The following OIP5 variants were observed in gnomAD, a reference collection of about 807,000 sequenced individuals.
OIP5 encodes the protein protein Mis18-beta.
OIP5 carries 24 observed loss-of-function variants against 20.3 expected under a neutral mutation model. The ratio of observed to expected loss-of-function variants is 1.18; its 90% CI spans 0.86 to 1.66. OIP5 has a LOEUF of 1.66. Ranked by LOEUF, OIP5 falls within the 40% of genes most tolerant of loss-of-function variation. The probability of loss-of-function intolerance (pLI) is 0.00; values close to 1 mark genes in which losing one functional copy is unlikely to be tolerated. For synonymous variants in OIP5, 143 were observed against 121.3 expected (o/e 1.18, Z -1.17); for missense variants, 339 against 289.5 (o/e 1.17, Z -1.24).
At chr15:41,328,971 TAGG>T (rs1272225775) in intron 2 of OIP5, among the ~76,000 whole-genome samples, 5 of 139,058 alleles carry the variant, frequency 3.6e-5, no homozygotes, top group East Asian at 2.1e-4. Flanking sequence ...GAGGCTGAGG[TAGG>T]AGAATAGCTT....
rs374289568 is a variant in OIP5, at chr15:41,309,815, A to C, written c.629T>G (p.Leu210Ter). ...ACTCAGAATCTTCATTAGTGATTTT[A>C]AGCGATTGTGCGTTAGCACTATCTT... ...KEKIVLTHNR[L>*]KSLMKILSEV... The change falls in exon 5 of 5, where the codon TTA becomes TGA. Residue 210 changes from leucine to a stop codon, truncating the protein, a stop_gained. Transcript: ENST00000220514. LOFTEE classifies it high-confidence loss of function. 4.3e-6 allele frequency: 7 copies of C among 1,613,772 alleles called. No homozygotes were observed. The highest frequency in any genetic ancestry group is 5.9e-6 in the Non-Finnish European group (7 of 1,179,802).
At chr15:41,332,207 C>G in intron 1 of OIP5, 33 bp downstream of exon 1, 3 of 1,525,582 alleles carry the variant, frequency 2.0e-6, no homozygotes, top group South Asian at 2.6e-5. Context: ...TCGGGCTAGC[C>G]TCTGCCTTTC....
intron 3 of OIP5, among the ~76,000 whole-genome samples, chr15:41,317,784 T>G (rs759451735): frequency 6.6e-6 from 1 of 152,132 alleles, no homozygotes; most frequent in Non-Finnish European, 1.5e-5. Flanking sequence ...GCTGTAGCTA[T>G]CCTCCCACCT....
intron 2 of OIP5, among the ~76,000 whole-genome samples, chr15:41,323,984 GCT>G (rs1491357872): frequency 1.8e-5 from 2 of 112,606 alleles, no homozygotes; most frequent in Non-Finnish European, 3.8e-5. Flanking sequence ...ACCAACCTCT[GCT>G]TTTTTTTTTT....
At chr15:41,319,231 C>T (rs2047807097) in intron 3 of OIP5, among the ~76,000 whole-genome samples, 1 of 151,590 alleles carries the variant, frequency 6.6e-6, no homozygotes, top group African/African-American at 2.4e-5. Flanking sequence ...CACTAGCATG[C>T]CCAGCTACTT....
In OIP5 at chr15:41,332,342, T is replaced by A. The variant is rs1334999521; in HGVS notation, c.220A>T (p.Arg74Trp). 3 of 1,612,278 alleles carry A rather than the reference T, an allele frequency of 1.9e-6. No homozygotes were observed. In the South Asian group the frequency reaches 3.3e-5, roughly 18 times the overall value. Residue 74 changes from arginine to tryptophan, a missense_variant, in exon 1 of 5, where the codon AGG becomes TGG. By Grantham distance (101) the Arg-to-Trp change is moderately radical. Coordinates refer to ENST00000220514, the MANE Select transcript of OIP5 (RefSeq NM_007280.2). ...TGTGCGCACTGGAACACAGCGCACC[T>A]CTCAGGCTGCAGCCAAGACGGCAGC... is the stretch of plus-strand genomic sequence containing the variant. The part of the protein sequence containing the change: ...PQLPSWLQPE[R>W]CAVFQCAQCH...
chr15:41,316,813 CAT>C (rs1189754561), intron 3 of OIP5, among the ~76,000 whole-genome samples: 1 of 131,152 alleles, frequency 7.6e-6, no homozygotes, highest in Non-Finnish European at 1.6e-5. Flanking sequence ...AAAAAAAAGA[CAT>C]GAGAAAAAGG....
intron 4 of OIP5, among the ~76,000 whole-genome samples, chr15:41,312,488 C>T (rs1441964372): frequency 1.3e-5 from 2 of 151,460 alleles, no homozygotes; most frequent in Non-Finnish European, 2.9e-5. Flanking sequence ...GAGACGCAGT[C>T]TCGCTCTGTT....
At chr15:41,328,883 C>A (rs1337409910) in intron 2 of OIP5, among the ~76,000 whole-genome samples, 1 of 151,750 alleles carries the variant, frequency 6.6e-6, no homozygotes, top group Non-Finnish European at 1.5e-5. Flanking sequence ...CATGGTGAAA[C>A]CCCGTCTCTA....
intron 1 of OIP5, 115 bp downstream of exon 1, chr15:41,332,125 T>C: frequency 7.3e-7 from 1 of 1,366,804 alleles, no homozygotes; most frequent in Non-Finnish European, 1.0e-6. Context: ...AGTTATTTGC[T>C]TCCAACTTTT....
chr15:41,330,561 G>T (rs1041920112), intron 2 of OIP5, among the ~76,000 whole-genome samples: 1 of 151,896 alleles, frequency 6.6e-6, no homozygotes, highest in Non-Finnish European at 1.5e-5. Flanking sequence ...CCGCCACTAT[G>T]CCTGGCTAAT....
At chr15:41,325,921 GA>G (rs2047859420) in intron 2 of OIP5, among the ~76,000 whole-genome samples, 1 of 152,052 alleles carries the variant, frequency 6.6e-6, no homozygotes, top group Non-Finnish European at 1.5e-5. Context: ...CAGCACTCTG[GA>G]AGGCCAAGGT....
At chr15:41,313,222 T>C in intron 4 of OIP5, 51 bp downstream of exon 4, 2 of 1,103,750 alleles carry the variant, frequency 1.8e-6, no homozygotes, top group Non-Finnish European at 2.7e-6. Flanking sequence ...GTAGAAGTTA[T>C]CAAGAGTTGT....
chr15:41,329,534 C>T (rs1346597826), intron 2 of OIP5, among the ~76,000 whole-genome samples: 1 of 151,596 alleles, frequency 6.6e-6, no homozygotes, highest in East Asian at 1.9e-4. Context: ...CAGGCTGGTC[C>T]CGAACTCCCG....
chr15:41,320,045 C>T (rs531955985), intron 2 of OIP5, among the ~76,000 whole-genome samples: 41 of 152,154 alleles, frequency 2.7e-4, no homozygotes, highest in Admixed American at 1.8e-3. Context: ...AGGTAATTTA[C>T]CCCTAATAAA....
chr15:41,326,043 T>C (rs1278565385), intron 2 of OIP5, among the ~76,000 whole-genome samples: 1 of 152,054 alleles, frequency 6.6e-6, no homozygotes, highest in Non-Finnish European at 1.5e-5. Context: ...ACACCTGTCA[T>C]CCCAGCTACT....
intron 3 of OIP5, among the ~76,000 whole-genome samples, chr15:41,315,777 T>A (rs917931111): frequency 6.6e-6 from 1 of 152,216 alleles, no homozygotes; most frequent in African/African-American, 2.4e-5. Flanking sequence ...CTAAAAAAGA[T>A]GTGGGATTAC....
At position 41,312,165 on chromosome 15, in the gene OIP5, T is replaced by C. The variant is rs974294012; in HGVS notation, c.594+1108A>G. 4.4e-4 allele frequency among the ~76,000 whole-genome samples: 43 copies of C among 97,036 alleles called. 1 individual carries two copies. The highest frequency in any genetic ancestry group is 1.2e-3 in the African/African-American group (43 of 34,882). 63.7% of individuals were successfully genotyped at this position (97,036 alleles called of 152,430 possible). A position where few individuals can be genotyped will look rare whatever the true frequency, so the allele number is the denominator to read the frequency against. On this transcript the variant is annotated intron_variant, in intron 4 of 4. Coordinates refer to ENST00000220514, the MANE Select transcript of OIP5 (RefSeq NM_007280.2). ...CACCATGCCCAGCCTTCTTTTTTTCTTTTTTTTTTTTTTGAGACAGATTTT... is the reference window on the plus strand; with the variant it reads ...CACCATGCCCAGCCTTCTTTTTTTCCTTTTTTTTTTTTTGAGACAGATTTT...
At chr15:41,323,985 CTTTT>C (rs869073906) in intron 2 of OIP5, among the ~76,000 whole-genome samples, 230 of 107,042 alleles carry the variant, frequency 2.1e-3, no homozygotes, top group African/African-American at 7.8e-3. Context: ...CCAACCTCTG[CTTTT>C]TTTTTTTTTT....
Sources: allele counts gnomAD v4.1 joint callset (sites outside exome capture counted in the v4.1 genomes callset), GRCh38; gene constraint gnomAD v4.1.1; transcripts MANE v1.5; gene names NCBI Gene and HGNC (gene_info 2026-07-23, HGNC 2026-07-21).